The following SCAF11 variants were observed in gnomAD, a reference collection of about 807,000 sequenced individuals.
The protein encoded by SCAF11 is SR-related CTD associated factor 11.
Under a neutral mutation model 140.5 loss-of-function variants are expected in SCAF11, and 47 were observed. That is an observed-to-expected ratio of 0.33 (90% CI 0.26 to 0.43). The LOEUF is 0.43. SCAF11 is among the 20% of genes least tolerant of loss of function. The pLI is 1.00. For synonymous variants in SCAF11, 557 were observed against 579.4 expected (o/e 0.96, Z 0.55); for missense variants, 1,645 against 1,705.1 (o/e 0.96, Z 0.62).
intron 1 of SCAF11, among the ~76,000 whole-genome samples, chr12:45,977,541 C>G (rs540597206): frequency 6.6e-6 from 1 of 152,110 alleles, no homozygotes; most frequent in South Asian, 2.1e-4. Context: ...GAACTATACA[C>G]CTCAAAAAGC....
At chr12:45,961,206 T>C in intron 3 of SCAF11, 3 of 660,482 alleles carry the variant, frequency 4.5e-6, no homozygotes, top group South Asian at 1.7e-5. Flanking sequence ...GACCAAGTCA[T>C]AGAACATAAA....
In SCAF11 at chr12:45,928,775, C is replaced by A; in HGVS notation, c.926G>T (p.Gly309Val). Residue 309 changes from glycine to valine, a missense_variant, in exon 11 of 15, where the codon GGA (glycine) becomes GTA (valine). Transcript: ENST00000369367. ...TGTCATTGCAGGTTTTCGTCTTGAT[C>A]CTCTGGTATTTGATGTACCAGAAGT... ...KQTSGTSNTR[G>V]SRRKPAMTTP... is the part of the protein sequence containing the mutation. 1 of 1,613,632 alleles carries A rather than the reference C, an allele frequency of 6.2e-7. No homozygotes were observed.
chr12:45,983,203 T>A (rs564955591), intron 1 of SCAF11, among the ~76,000 whole-genome samples: 27 of 152,250 alleles, frequency 1.8e-4, no homozygotes, highest in Admixed American at 1.6e-3. Context: ...AATTGGGGAT[T>A]TTGAGCTTAA....
intron 6 of SCAF11, chr12:45,944,971 C>T: frequency 2.6e-6 from 1 of 386,806 alleles, no homozygotes; most frequent in Non-Finnish European, 4.6e-6. Flanking sequence ...AATAAGGCCA[C>T]AGTATGAGCT....
At chr12:45,930,846 T>G (rs1317969715) in intron 10 of SCAF11, 2 of 152,318 alleles carry the variant, frequency 1.3e-5, no homozygotes, top group Admixed American at 6.5e-5. Flanking sequence ...TTTCTTAATT[T>G]TTTTCACTAT....
intron 1 of SCAF11, 77 bp downstream of exon 1, chr12:45,990,276 C>G: frequency 8.1e-7 from 1 of 1,230,624 alleles, no homozygotes; most frequent in Non-Finnish European, 1.0e-6. Context: ...CTCCAGCGCT[C>G]TGCGCCGGCC....
intron 1 of SCAF11, among the ~76,000 whole-genome samples, chr12:45,969,607 G>A (rs1946028195): frequency 6.6e-6 from 1 of 152,178 alleles, no homozygotes; most frequent in African/African-American, 2.4e-5. Flanking sequence ...CAGAGAAATA[G>A]GAAATAGTAA....
rs1265074660 is a variant in SCAF11, at chr12:45,972,923, TATATAG to T, written c.-21-8741_-21-8736del. Among the ~76,000 whole-genome samples, 133 of 79,276 alleles carry T rather than the reference TATATAG, an allele frequency of 1.7e-3. 4 individuals carry two copies. Among genetic ancestry groups the T allele is most frequent in the African/African-American group, 8.4e-3 (120 of 14,268 alleles). 52.0% of individuals were successfully genotyped at this position (79,276 alleles called of 152,430 possible). On this transcript the variant is annotated intron_variant, in intron 1 of 14. Transcript: ENST00000369367. ...ATATATATATAGATATATATATAGA[TATATAG>T]ATATATATAGATATATATATAGATA...
intron 1 of SCAF11, among the ~76,000 whole-genome samples, chr12:45,973,537 C>T (rs535769594): frequency 6.6e-6 from 1 of 152,252 alleles, no homozygotes; most frequent in South Asian, 2.1e-4. Context: ...CCTGGACACA[C>T]ATCAGAGTCA....
At chr12:45,972,921 GAT>G (rs1565688971) in intron 1 of SCAF11, among the ~76,000 whole-genome samples, 1 of 59,736 alleles carries the variant, frequency 1.7e-5, no homozygotes, top group Non-Finnish European at 3.4e-5. Flanking sequence ...TATATATATA[GAT>G]ATATAGATAT....
intron 10 of SCAF11, chr12:45,929,982 A>AT (rs1402037897): frequency 7.2e-5 from 11 of 152,234 alleles, no homozygotes; most frequent in African/African-American, 2.4e-4. Context: ...CTCCTTACTG[A>AT]TAACAGTGAA....
chr12:45,932,085 A>G lies in SCAF11; in HGVS notation c.735-473T>C, dbSNP rs1945058281. ...TGTGTTAACCACCACCCCAATCAAG[A>G]AAGAGAACATTTCTGCCCCCCTAGA... On this transcript the variant is annotated intron_variant, in intron 9 of 14. Coordinates refer to ENST00000369367, the MANE Select transcript of SCAF11 (RefSeq NM_004719.3). 3.3e-5 allele frequency among the ~76,000 whole-genome samples: 5 copies of G among 152,194 alleles called. No individual in the cohort carries two copies. In the South Asian group the frequency reaches 1.0e-3, roughly 32 times the overall value.
At chr12:45,981,869 C>T (rs773131801) in intron 1 of SCAF11, among the ~76,000 whole-genome samples, 20 of 152,024 alleles carry the variant, frequency 1.3e-4, no homozygotes, top group African/African-American at 4.6e-4. Context: ...TGTAAATAAT[C>T]GTGCACACCA....
chr12:45,938,063 T>C (rs1945209883), intron 6 of SCAF11, among the ~76,000 whole-genome samples: 1 of 152,226 alleles, frequency 6.6e-6, no homozygotes. Context: ...ATGAAATGTC[T>C]ATGTATCAGC....
chr12:45,989,856 C>G (rs1946548727), intron 1 of SCAF11, among the ~76,000 whole-genome samples: 1 of 152,166 alleles, frequency 6.6e-6, no homozygotes, highest in Admixed American at 6.5e-5. Context: ...CTTGGACGCT[C>G]GCGACCAAAG....
chr12:45,948,771 C>G (rs114412547), intron 4 of SCAF11, among the ~76,000 whole-genome samples: 154 of 152,164 alleles, frequency 1.0e-3, no homozygotes, highest in African/African-American at 3.6e-3. Flanking sequence ...GTGCTTATAA[C>G]AGAGATATGA....
At chr12:45,982,563 G>T (rs1178137100) in intron 1 of SCAF11, among the ~76,000 whole-genome samples, 1 of 151,918 alleles carries the variant, frequency 6.6e-6, no homozygotes, top group African/African-American at 2.4e-5. Context: ...AAATTAGCCG[G>T]GTGTAGTGGT....
At chr12:45,958,903 A>G (rs1945761502) in intron 3 of SCAF11, among the ~76,000 whole-genome samples, 2 of 152,234 alleles carry the variant, frequency 1.3e-5, no homozygotes, top group South Asian at 4.1e-4. Flanking sequence ...CAAAATAAAT[A>G]TACTAGACTA....
At chr12:45,948,719 C>G (rs1301322998) in intron 4 of SCAF11, among the ~76,000 whole-genome samples, 182 bp from the exon 5 acceptor site, 1 of 152,084 alleles carries the variant, frequency 6.6e-6, no homozygotes, top group East Asian at 1.9e-4. Context: ...ATGCTTAGGT[C>G]TGGGGAAACA....
Sources: gnomAD v4.1 joint callset for allele counts (sites outside exome capture counted in the v4.1 genomes callset) on GRCh38, gnomAD v4.1.1 for gene constraint, MANE v1.5 for transcripts, NCBI Gene and HGNC (gene_info 2026-07-23, HGNC 2026-07-21) for gene names.